IL7: variants seen among roughly 807,000 people sequenced by gnomAD.
The protein encoded by IL7 is interleukin-7.
Under a neutral mutation model 21.6 loss-of-function variants are expected in IL7, and 3 were observed. The observed-to-expected ratio is 0.14, with a 90% CI of 0.06 to 0.36. The LOEUF is 0.36. Among genes scored for constraint, IL7 ranks in the 10% least tolerant of loss-of-function variants. The pLI is 1.00. For missense variants in IL7, 175 were observed against 200.2 expected, an observed-to-expected ratio of 0.87 and a Z score of 0.76; for synonymous variants, 62 against 68.1, an observed-to-expected ratio of 0.91 and a Z score of 0.44.
chr8:78,735,996 A>C lies in IL7; in HGVS notation c.414+478T>G, dbSNP rs186712171. 7.0e-3 allele frequency among the ~76,000 whole-genome samples: 1,059 copies of C among 151,076 alleles called. 7 individuals carry two copies. Among genetic ancestry groups the C allele is most frequent in the Non-Finnish European group, 7.3e-3 (495 of 67,782 alleles). On this transcript the variant is annotated intron_variant, in intron 5 of 5. Coordinates refer to ENST00000263851, the MANE Select transcript of IL7 (RefSeq NM_000880.4). ...AATTTATCTAATAATGTCTAGTAGT[A>C]TATGTATAAATATATGTTTATATAC... is the stretch of plus-strand genomic sequence containing the variant.
chr8:78,759,307 A>G (rs1472160983), intron 2 of IL7, among the ~76,000 whole-genome samples: 3 of 151,686 alleles, frequency 2.0e-5, no homozygotes, highest in Admixed American at 2.0e-4. Flanking sequence ...AAATAACAGC[A>G]ATATTTTCCA....
chr8:78,741,083 A>G (rs923208090), intron 2 of IL7, among the ~76,000 whole-genome samples: 24 of 152,196 alleles, frequency 1.6e-4, no homozygotes, highest in African/African-American at 5.3e-4. Flanking sequence ...AAACAGGATA[A>G]GAAGTGGAGC....
intron 1 of IL7, among the ~76,000 whole-genome samples, chr8:78,801,792 G>A (rs1251952901): frequency 2.0e-5 from 3 of 152,146 alleles, no homozygotes. Context: ...GGACAATGCT[G>A]CAAACATACC....
Position 78,804,986 on chromosome 8 carries a change from C to T in IL7, c.-64G>A. On this transcript the variant is annotated 5_prime_UTR_variant, in exon 1 of 6. Transcript: ENST00000263851. ...TGGAGCAGGAGCAAGCTCTCACCGCCCATAGTCACTCCCAGGACCCTGGTC... is the reference window on the plus strand; with the variant it reads ...TGGAGCAGGAGCAAGCTCTCACCGCTCATAGTCACTCCCAGGACCCTGGTC... 1 of 1,574,874 alleles carries T rather than the reference C, an allele frequency of 6.3e-7. No individual in the cohort carries two copies.
intron 2 of IL7, among the ~76,000 whole-genome samples, chr8:78,764,217 A>G (rs542753937): frequency 3.3e-5 from 5 of 152,130 alleles, no homozygotes; most frequent in Admixed American, 1.3e-4. Flanking sequence ...GACATCTACA[A>G]AAGTCCTATA....
downstream of IL7, among the ~76,000 whole-genome samples, chr8:78,713,149 G>A (rs1296285005): frequency 6.6e-6 from 1 of 152,072 alleles, no homozygotes; most frequent in Admixed American, 6.5e-5. Context: ...ATTCATATGA[G>A]CTGTTAACAG....
intron 2 of IL7, among the ~76,000 whole-genome samples, chr8:78,756,622 C>A (rs1488361423): frequency 2.6e-5 from 4 of 151,884 alleles, no homozygotes; most frequent in Admixed American, 6.6e-5. Flanking sequence ...TCAAAATAAT[C>A]TCTGATAGTC....
chr8:78,702,580 CTT>C (rs1450178743), intron 3 of IL7, among the ~76,000 whole-genome samples: 1 of 152,052 alleles, frequency 6.6e-6, no homozygotes, highest in Non-Finnish European at 1.5e-5. Flanking sequence ...ATCTTTCTAA[CTT>C]TTGATGTGGG....
intron 2 of IL7, among the ~76,000 whole-genome samples, chr8:78,781,596 C>T (rs755092636): frequency 3.3e-5 from 5 of 152,092 alleles, no homozygotes; most frequent in South Asian, 4.1e-4. Context: ...GCTGTTATTC[C>T]GATGGGCTTT....
intron 2 of IL7, among the ~76,000 whole-genome samples, chr8:78,749,242 C>T (rs1479802542): frequency 6.6e-6 from 1 of 152,066 alleles, no homozygotes; most frequent in Non-Finnish European, 1.5e-5. Flanking sequence ...TTCCTTAACA[C>T]TAAGTTATAC....
chr8:78,695,575 G>A (rs1023090883), intron 3 of IL7, among the ~76,000 whole-genome samples: 6 of 151,972 alleles, frequency 3.9e-5, no homozygotes, highest in African/African-American at 4.8e-5. Flanking sequence ...CATAACTCTC[G>A]TAGTTTAACA....
chr8:78,799,292 A>T (rs1813970744), intron 1 of IL7, among the ~76,000 whole-genome samples: 2 of 152,294 alleles, frequency 1.3e-5, no homozygotes. Flanking sequence ...ACTGTTAGGG[A>T]TATCATAAAG....
intron 3 of IL7, among the ~76,000 whole-genome samples, chr8:78,690,482 C>T (rs1305378603): frequency 1.3e-5 from 2 of 151,674 alleles, no homozygotes; most frequent in Non-Finnish European, 2.9e-5. Context: ...ATGGTGTGAA[C>T]CTGGGAGGAG....
chr8:78,789,193 A>G (rs1418912709), intron 2 of IL7, among the ~76,000 whole-genome samples: 1 of 152,072 alleles, frequency 6.6e-6, no homozygotes, highest in African/African-American at 2.4e-5. Context: ...TAATTAGTCT[A>G]TTTTTCTTTA....
chr8:78,763,295 C>G (rs1217373355), intron 2 of IL7, among the ~76,000 whole-genome samples: 1 of 152,124 alleles, frequency 6.6e-6, no homozygotes, highest in Non-Finnish European at 1.5e-5. Flanking sequence ...ATGATAGCAA[C>G]CATGTATTCA....
chr8:78,765,737 G>A (rs576936902), intron 2 of IL7, among the ~76,000 whole-genome samples: 64 of 152,178 alleles, frequency 4.2e-4, no homozygotes, highest in African/African-American at 1.5e-3. Flanking sequence ...TGATGGGAAG[G>A]TAAACAGTAC....
intron 2 of IL7, among the ~76,000 whole-genome samples, chr8:78,789,186 T>A (rs115540630): frequency 9.2e-4 from 140 of 152,248 alleles, no homozygotes; most frequent in African/African-American, 3.2e-3. Context: ...TATCTTTTAA[T>A]TAGTCTATTT....
chr8:78,705,966 G>A (rs1202918203), intron 3 of IL7, among the ~76,000 whole-genome samples: 1 of 152,184 alleles, frequency 6.6e-6, no homozygotes, highest in Non-Finnish European at 1.5e-5. Flanking sequence ...GGAGGTCCCA[G>A]TTGTGAGGTC....
intron 3 of IL7, among the ~76,000 whole-genome samples, chr8:78,701,216 T>G (rs2130561303): frequency 6.6e-6 from 1 of 152,336 alleles, no homozygotes; most frequent in Non-Finnish European, 1.5e-5. Context: ...ACCTCCCCAG[T>G]TACCTGTATT....
Sources: gnomAD v4.1 joint callset for allele counts (sites outside exome capture counted in the v4.1 genomes callset) on GRCh38, gnomAD v4.1.1 for gene constraint, MANE v1.5 for transcripts, NCBI Gene and HGNC (gene_info 2026-07-23, HGNC 2026-07-21) for gene names.